Variants in RLBP1 observed in about 807,000 individuals in gnomAD.
RLBP1 encodes retinaldehyde-binding protein 1.
RLBP1 carries 26 observed loss-of-function variants against 36.2 expected under a neutral mutation model. The observed-to-expected ratio is 0.72, with a 90% CI of 0.53 to 1.00. The LOEUF (loss-of-function observed/expected upper bound fraction) is 1.00. Ranked by LOEUF, RLBP1 falls within the 50% of genes least tolerant of loss-of-function variation. RLBP1 has a pLI of 0.00. For missense variants in RLBP1, 410 were observed against 402.4 expected (o/e 1.02, Z -0.16); for synonymous variants, 155 against 156.2 (o/e 0.99, Z 0.06).
At position 89,211,221 on chromosome 15, in the gene RLBP1, T is replaced by A. The variant is rs1445720201; in HGVS notation, c.685-412A>T. Among the ~76,000 whole-genome samples, 1 of 151,830 alleles carries A rather than the reference T, an allele frequency of 6.6e-6. No homozygotes were observed. Among genetic ancestry groups the A allele is most frequent in the African/African-American group, 2.4e-5 (1 of 41,286 alleles). On this transcript the variant is annotated intron_variant, in intron 7 of 8. Transcript: ENST00000268125. The surrounding 1 kb of genome is among the most constrained non-coding windows in gnomAD (Gnocchi z 5.8). ...ATCAGCCCCTCCCACAACCTCCACCTCCCACCCCTCCTTTCCCAATACACA... is the reference window on the plus strand; with the variant it reads ...ATCAGCCCCTCCCACAACCTCCACCACCCACCCCTCCTTTCCCAATACACA...
At chr15:89,216,934 C>CTTCA (rs1567123762) in intron 5 of RLBP1, among the ~76,000 whole-genome samples, 186 bp downstream of exon 5, 4 of 152,234 alleles carry the variant, frequency 2.6e-5, no homozygotes, top group East Asian at 1.9e-4. Context: ...TCCTGACACA[C>CTTCA]TTCATTCATT....
In RLBP1 at chr15:89,218,846, G is replaced by A; in HGVS notation, c.12+118C>T. On this transcript the variant is annotated intron_variant, in intron 3 of 8. Coordinates refer to ENST00000268125, the MANE Select transcript of RLBP1 (RefSeq NM_000326.5). The surrounding 1 kb of genome is among the most constrained non-coding windows in gnomAD (Gnocchi z 4.6). ...CAGGACCCACACAGGGGTTATAGAA[G>A]TGTGTGCCTATATTCCCGGGCAGAG... The A allele has an allele frequency of 1.3e-6, 2 of 1,493,244 alleles. No individual in the cohort carries two copies. Among genetic ancestry groups the A allele is most frequent in the Non-Finnish European group, 9.3e-7 (1 of 1,080,444 alleles). The allele number at this position is 1,493,244 out of a possible 1,614,324, so 92.5% of individuals were successfully genotyped here.
At position 89,218,898 on chromosome 15, in the gene RLBP1, G is replaced by A; in HGVS notation, c.12+66C>T. On this transcript the variant is annotated intron_variant, in intron 3 of 8. Coordinates refer to ENST00000268125, the MANE Select transcript of RLBP1 (RefSeq NM_000326.5). This position sits in a 1 kb window ranked among gnomAD's most constrained non-coding sequence, Gnocchi z 4.6. ...ATAAGATAGAGAAGTAAGGAGGGAGGGAGAGGGAAGAGAGAGAAGAGAGGG... is the reference window on the plus strand; with the variant it reads ...ATAAGATAGAGAAGTAAGGAGGGAGAGAGAGGGAAGAGAGAGAAGAGAGGG... 6.4e-7 allele frequency: 1 copy of A among 1,572,912 alleles called. No individual in the cohort carries two copies. The highest frequency in any genetic ancestry group is 1.7e-5 in the Admixed American group (1 of 59,030).
In RLBP1 at chr15:89,218,123, T is replaced by C. The variant is rs930782299; in HGVS notation, c.141+442A>G. Among the ~76,000 whole-genome samples, 1 of 152,122 alleles carries C rather than the reference T, an allele frequency of 6.6e-6. No individual in the cohort carries two copies. Among genetic ancestry groups the C allele is most frequent in the Non-Finnish European group, 1.5e-5 (1 of 68,020 alleles). ...CACAATCTGATCACCTCTGAGCTAG[T>C]CCACCAACCGTCTTTCATAGATACA... On this transcript the variant is annotated intron_variant, in intron 4 of 8. Coordinates refer to ENST00000268125, the MANE Select transcript of RLBP1 (RefSeq NM_000326.5). The surrounding 1 kb of genome is among the most constrained non-coding windows in gnomAD (Gnocchi z 4.6).
chr15:89,216,886 G>T (rs1441355370), intron 5 of RLBP1, among the ~76,000 whole-genome samples: 2 of 152,212 alleles, frequency 1.3e-5, no homozygotes, highest in African/African-American at 4.8e-5. Context: ...CCCAAGACTG[G>T]GAGAGAGTTG....
rs200085708 is a variant in RLBP1, at chr15:89,218,549, C to T, written c.141+16G>A. 6.2e-7 allele frequency: 1 copy of T among 1,614,248 alleles called. No individual in the cohort carries two copies. The highest frequency in any genetic ancestry group is 2.2e-5 in the East Asian group (1 of 44,890). ...CCTCCCTAGGCTGCTCCTCTCCGCA[C>T]TGTCAGCCACCTCACCTTCTGCAAG... On this transcript the variant is annotated intron_variant, in intron 4 of 8. Coordinates refer to ENST00000268125, the MANE Select transcript of RLBP1 (RefSeq NM_000326.5). This position sits in a 1 kb window ranked among gnomAD's most constrained non-coding sequence, Gnocchi z 4.6.
rs1432772569 is a variant in RLBP1, at chr15:89,210,145, G to A, written c.*140C>T. 4 of 917,320 alleles carry A rather than the reference G, an allele frequency of 4.4e-6. No individual in the cohort carries two copies. The highest frequency in any genetic ancestry group is 4.0e-5 in the South Asian group (3 of 74,644). The allele number at this position is 917,320 out of a possible 1,614,324, so 56.8% of individuals were successfully genotyped here. ...CCATCCCCCAACTTGAGAACAGGGT[G>A]ACACCTGAGCTCACTCGGGCTTAGG... is the stretch of plus-strand genomic sequence containing the variant. On this transcript the variant is annotated 3_prime_UTR_variant, in exon 9 of 9. Transcript: ENST00000268125. The surrounding 1 kb of genome is among the most constrained non-coding windows in gnomAD (Gnocchi z 4.7).
chr15:89,218,456 T>G lies in RLBP1; in HGVS notation c.141+109A>C. 6.6e-7 allele frequency: 1 copy of G among 1,504,904 alleles called. No individual in the cohort carries two copies. Among genetic ancestry groups the G allele is most frequent in the Non-Finnish European group, 9.2e-7 (1 of 1,089,584 alleles). The allele number at this position is 1,504,904 out of a possible 1,614,324, so 93.2% of individuals were successfully genotyped here. On this transcript the variant is annotated intron_variant, in intron 4 of 8. Transcript: ENST00000268125. The surrounding 1 kb of genome is among the most constrained non-coding windows in gnomAD (Gnocchi z 4.6). Reference sequence around the variant, plus strand: ...ACCGGCCAGTCTATCAGGTCCAGGATGATCTGGAGTGCCGAGGCTGGACCC... The same window carrying G: ...ACCGGCCAGTCTATCAGGTCCAGGAGGATCTGGAGTGCCGAGGCTGGACCC...
At chr15:89,220,719 T>C (rs2051619773) in intron 1 of RLBP1, among the ~76,000 whole-genome samples, 1 of 152,088 alleles carries the variant, frequency 6.6e-6, no homozygotes, top group African/African-American at 2.4e-5. Flanking sequence ...ATGGAGAGGC[T>C]GACAGAACTG....
intron 1 of RLBP1, among the ~76,000 whole-genome samples, chr15:89,220,938 T>C (rs1406386444): frequency 6.6e-6 from 1 of 151,980 alleles, no homozygotes; most frequent in Non-Finnish European, 1.5e-5. Flanking sequence ...CCTCACACCA[T>C]GCTGATGCTG....
Position 89,217,141 on chromosome 15 carries a change from G to T in RLBP1, c.325C>A (p.Arg109Ser). 2 of 1,614,048 alleles carry T rather than the reference G, an allele frequency of 1.2e-6. No homozygotes were observed. Among genetic ancestry groups the T allele is most frequent in the Non-Finnish European group, 1.7e-6 (2 of 1,180,000 alleles). The change falls in exon 5 of 9, where the codon CGT (arginine) becomes AGT (serine). Residue 109 changes from arginine (R) to serine (S), a missense_variant. By Grantham distance (110) the Arg-to-Ser change is moderately radical (BLOSUM62 -1). Transcript: ENST00000268125. ...FIRARKFNVG[R>S]AYELLRGYVN... ...TCACCTCTGAGCAGCTCATAGGCAC[G>T]GCCCACGTTGAACTTCCGTGCGCGG...
At chr15:89,217,519 G>T (rs964976352) in intron 4 of RLBP1, among the ~76,000 whole-genome samples, 195 bp from the exon 5 acceptor site, 1 of 152,162 alleles carries the variant, frequency 6.6e-6, no homozygotes, top group Non-Finnish European at 1.5e-5. Context: ...GAGAGAATTC[G>T]CATATTTGCA....
rs753849847 is a variant in RLBP1, at chr15:89,217,302, CT to C, written c.163del (p.Arg55GlufsTer64). On this transcript the variant is annotated frameshift_variant, in exon 5 of 9. Coordinates refer to ENST00000268125, the MANE Select transcript of RLBP1 (RefSeq NM_000326.5). LOFTEE classifies it high-confidence loss of function. ...CACTGCCTCCTCCCGGGTCTCCTCT[CT>C]CTCGTTCAGCTCATCCTTGGCCTAG... is the stretch of plus-strand genomic sequence containing the variant. ...LQKAKDELNE[R>X]EETREEAVRE... 2 of 1,606,942 alleles carry C rather than the reference CT, an allele frequency of 1.2e-6. No individual in the cohort carries two copies. Among genetic ancestry groups the C allele is most frequent in the Admixed American group, 3.3e-5 (2 of 60,030 alleles).
At position 89,210,178 on chromosome 15, in the gene RLBP1, A is replaced by G; in HGVS notation, c.*107T>C. The G allele has an allele frequency of 1.5e-6, 2 of 1,351,418 alleles. No individual in the cohort carries two copies. Among genetic ancestry groups the G allele is most frequent in the Non-Finnish European group, 1.0e-6 (1 of 953,046 alleles). The allele number at this position is 1,351,418 out of a possible 1,614,324, so 83.7% of individuals were successfully genotyped here. A position where few individuals can be genotyped will look rare whatever the true frequency, so the allele number is the denominator to read the frequency against. ...AGCTCACTCGGGCTTAGGGAGTCTA[A>G]GGGGGGACCACAGTCATCTCAAGCA... On this transcript the variant is annotated 3_prime_UTR_variant, in exon 9 of 9. Transcript: ENST00000268125. This position sits in a 1 kb window ranked among gnomAD's most constrained non-coding sequence, Gnocchi z 4.7.
rs201153598 is a variant in RLBP1, at chr15:89,215,224, G to A, written c.361C>T (p.Arg121Trp). The A allele has an allele frequency of 7.1e-5, 115 of 1,614,104 alleles. No homozygotes were observed. The highest frequency in any genetic ancestry group is 3.3e-4 in the Middle Eastern group (2 of 6,062). ...YELLRGYVNF[R>W]LQYPELFDSL... ...TCAAAGAGCTCAGGGTACTGCAGCC[G>A]GAAATTCACATAGCCTGGAGGAAGG... Residue 121 changes from arginine to tryptophan, a missense_variant, in exon 6 of 9, where the codon CGG becomes TGG. By Grantham distance (101) the Arg-to-Trp change is moderately radical. Transcript: ENST00000268125.
chr15:89,211,687 C>A lies in RLBP1; in HGVS notation c.684+56G>T, dbSNP rs766261454. 13 of 1,582,214 alleles carry A rather than the reference C, an allele frequency of 8.2e-6. No homozygotes were observed. Among genetic ancestry groups the A allele is most frequent in the Non-Finnish European group, 8.7e-6 (10 of 1,155,676 alleles). On this transcript the variant is annotated intron_variant, in intron 7 of 8. Coordinates refer to ENST00000268125, the MANE Select transcript of RLBP1 (RefSeq NM_000326.5). This position sits in a 1 kb window ranked among gnomAD's most constrained non-coding sequence, Gnocchi z 5.8. ...GCAAGCACCATGAAAGGAGGCCCAG[C>A]CTCTCAGCCTCCCCAGCTGTGGGAG...
In RLBP1 at chr15:89,211,641, G is replaced by A. The variant is rs1191806375; in HGVS notation, c.684+102C>T. 1.6e-6 allele frequency: 2 copies of A among 1,237,896 alleles called. No homozygotes were observed. The highest frequency in any genetic ancestry group is 1.5e-5 in the African/African-American group (1 of 67,804). The allele number at this position is 1,237,896 out of a possible 1,614,324, so 76.7% of individuals were successfully genotyped here. On this transcript the variant is annotated intron_variant, in intron 7 of 8. Coordinates refer to ENST00000268125, the MANE Select transcript of RLBP1 (RefSeq NM_000326.5). The surrounding 1 kb of genome is among the most constrained non-coding windows in gnomAD (Gnocchi z 5.8). ...GTCACTGCTCTTTATGGCGCGAGGT[G>A]GTCCAACTTCTCAGTTCCCTGCAAG...
chr15:89,215,999 C>T (rs1168251255), intron 5 of RLBP1, among the ~76,000 whole-genome samples: 1 of 152,232 alleles, frequency 6.6e-6, no homozygotes, highest in Non-Finnish European at 1.5e-5. Context: ...TTCAGCCCCT[C>T]AAGACTTTAT....
At chr15:89,215,305 G>T in intron 5 of RLBP1, 67 bp from the exon 6 acceptor site, 1 of 1,538,412 alleles carries the variant, frequency 6.5e-7, no homozygotes, top group Non-Finnish European at 9.0e-7. Context: ...CCCTCCTAGT[G>T]GGACTCAGAG....
Sources: allele counts gnomAD v4.1 joint callset (sites outside exome capture counted in the v4.1 genomes callset), GRCh38; gene constraint gnomAD v4.1.1; non-coding constraint Gnocchi (gnomAD v3.1); transcripts MANE v1.5; gene names NCBI Gene and HGNC (gene_info 2026-07-23, HGNC 2026-07-21).